Variants in POLG observed in about 807,000 individuals in gnomAD.
The protein encoded by POLG is DNA polymerase subunit gamma-1.
POLG carries 110 observed loss-of-function variants against 155.4 expected under a neutral mutation model. The ratio of observed to expected loss-of-function variants is 0.71; its 90% CI spans 0.61 to 0.83. POLG has a LOEUF of 0.83. Among genes scored for constraint, POLG ranks in the 40% least tolerant of loss-of-function variants. The probability of loss-of-function intolerance (pLI) is 0.00; values close to 1 mark genes in which losing one functional copy is unlikely to be tolerated. For missense variants in POLG, 1,685 were observed against 1,627.5 expected (o/e 1.04, Z -0.61); for synonymous variants, 701 against 631.5 (o/e 1.11, Z -1.65).
chr15:89,333,280 G>T lies in POLG; in HGVS notation c.475C>A (p.Gln159Lys). 1 of 1,558,370 alleles carries T rather than the reference G, an allele frequency of 6.4e-7. No individual in the cohort carries two copies. ...PYLEAANLLLQAQLPPKPPAW... is the reference protein window; with the variant it reads ...PYLEAANLLLKAQLPPKPPAW... ...GGGGGCTTCGGGGGCAGCTGGGCCT[G>T]CAACAGCAAGTTGGCCGCCTCCAGG... Residue 159 changes from glutamine to lysine, a missense_variant, in exon 2 of 23, where the codon CAG (glutamine) becomes AAG (lysine). Gln to Lys is a moderately conservative substitution (Grantham distance 53). Transcript: ENST00000268124.
At chr15:89,321,065 TTCA>T in intron 17 of POLG, 53 bp from the exon 18 acceptor site, 2 of 1,599,226 alleles carry the variant, frequency 1.3e-6, no homozygotes, top group Non-Finnish European at 1.7e-6. Context: ...CTGCCCAATG[TTCA>T]TCAGAACTGT....
intron 20 of POLG, 54 bp from the exon 21 acceptor site, chr15:89,318,803 C>G: frequency 6.4e-7 from 1 of 1,567,680 alleles, no homozygotes; most frequent in Non-Finnish European, 8.8e-7. Flanking sequence ...TACCAATTAA[C>G]TCCAGGGTAG....
intron 16 of POLG, 121 bp downstream of exon 16, chr15:89,321,615 C>G: frequency 3.6e-6 from 3 of 827,644 alleles, no homozygotes; most frequent in South Asian, 1.3e-5. Context: ...TAGAGTCCTG[C>G]CTGACCCAGA....
chr15:89,324,406 C>A, intron 10 of POLG, 179 bp from the exon 11 acceptor site: 1 of 734,436 alleles, frequency 1.4e-6, no homozygotes, highest in Non-Finnish European at 2.4e-6. Flanking sequence ...CTGAAAATGA[C>A]AGCACCCTGG....
chr15:89,318,090 C>A (rs2055329476), intron 21 of POLG: 1 of 197,246 alleles, frequency 5.1e-6, no homozygotes, highest in Non-Finnish European at 1.0e-5. Flanking sequence ...TTTTAAAAAT[C>A]ACATTTGAGT....
Position 89,325,369 on chromosome 15 carries a change from CTT to C in POLG, c.1949+79_1949+80del, listed in dbSNP as rs2055500689. The C allele has an allele frequency of 4.2e-6, 4 of 961,018 alleles. No individual in the cohort carries two copies. The South Asian group carries it at 5.3e-5, about 13-fold the overall frequency. The allele number at this position is 961,018 out of a possible 1,614,324, so 59.5% of individuals were successfully genotyped here. A position where few individuals can be genotyped will look rare whatever the true frequency, so the allele number is the denominator to read the frequency against. Reference sequence around the variant, plus strand: ...GAACCCAGACTCTTGAACCCAAACTCTTTCCACTAGCCTGAGCTGACCAGCCA... The same window carrying C: ...GAACCCAGACTCTTGAACCCAAACTCTCCACTAGCCTGAGCTGACCAGCCA... On this transcript the variant is annotated intron_variant, in intron 10 of 22. Coordinates refer to ENST00000268124, the MANE Select transcript of POLG (RefSeq NM_002693.3).
chr15:89,318,532 C>T lies in POLG; in HGVS notation c.3482+9G>A. 6.2e-7 allele frequency: 1 copy of T among 1,611,470 alleles called. No homozygotes were observed. The highest frequency in any genetic ancestry group is 1.1e-5 in the South Asian group (1 of 90,986). On this transcript the variant is annotated intron_variant, in intron 21 of 22. Transcript: ENST00000268124. ...CATGGCCAGGCTAGAGGCCATGGGC[C>T]CCGCATACCTGGTCAAGAGGTTGGT...
At chr15:89,318,784 T>C (rs1253220637) in intron 20 of POLG, 35 bp from the exon 21 acceptor site, 1 of 1,584,800 alleles carries the variant, frequency 6.3e-7, no homozygotes, top group East Asian at 2.2e-5. Context: ...TGAAAGGGGC[T>C]ATGCTACATA....
Position 89,320,834 on chromosome 15 carries a change from G to A in POLG, c.2913C>T (p.His971=). The A allele has an allele frequency of 1.9e-6, 3 of 1,613,948 alleles. No homozygotes were observed. The highest frequency in any genetic ancestry group is 2.2e-5 in the East Asian group (1 of 44,890). Residue 971 remains histidine, a synonymous_variant, in exon 18 of 23, where the codon CAC becomes CAT. Transcript: ENST00000268124. Reference sequence around the variant, plus strand: ...CAGCTGCCTCCTGCTGTGTGAGCCGGTGGTTAAACTGCATTAGTAAGCGCT... The same window carrying A: ...CAGCTGCCTCCTGCTGTGTGAGCCGATGGTTAAACTGCATTAGTAAGCGCT... The part of the protein sequence containing the change: ...FAERLLMQFN[H]RLTQQEAAEK...
Position 89,322,772 on chromosome 15 carries a change from G to C in POLG, c.2396C>G (p.Ser799Cys). 6.2e-7 allele frequency: 1 copy of C among 1,614,166 alleles called. No homozygotes were observed. Among genetic ancestry groups the C allele is most frequent in the African/African-American group, 1.3e-5 (1 of 75,058 alleles). The stretch of plus-strand genomic sequence containing the variant: ...ACGTTTATGGGCGTTCCTCCAGAAA[G>C]AAATCATTTTGTTGATTTCCAGAGC... Reference protein sequence around the residue: ...PRALEINKMISFWRNAHKRIS... With the variant: ...PRALEINKMICFWRNAHKRIS... Residue 799 changes from serine (S) to cysteine (C), a missense_variant, in exon 14 of 23, where the codon TCT becomes TGT. Transcript: ENST00000268124.
In POLG at chr15:89,319,361, T is replaced by C; in HGVS notation, c.2982-11A>G. 2 of 1,613,588 alleles carry C rather than the reference T, an allele frequency of 1.2e-6. No individual in the cohort carries two copies. Among genetic ancestry groups the C allele is most frequent in the Non-Finnish European group, 1.7e-6 (2 of 1,180,014 alleles). ...TCCGACAGCCGATACCTGGGGGCAG[T>C]GTTATCACCATCATTCCACGGGAGT... On this transcript the variant is annotated splice_polypyrimidine_tract_variant and intron_variant, in intron 18 of 22. Transcript: ENST00000268124.
intron 2 of POLG, among the ~76,000 whole-genome samples, chr15:89,331,299 A>AC (rs761437078): frequency 2.9e-4 from 43 of 149,854 alleles, no homozygotes; most frequent in Non-Finnish European, 4.7e-4. Flanking sequence ...AGAAATCCCC[A>AC]CCCCCCCACA....
chr15:89,328,419 C>A lies in POLG; in HGVS notation c.1250+37G>T, dbSNP rs372614123. ...AGTGGGCCCGGGTACCAGGAACACA[C>A]TGACCCCCAGAGATTCCCACATGGG... On this transcript the variant is annotated intron_variant, in intron 6 of 22. Transcript: ENST00000268124. 5.0e-5 allele frequency: 77 copies of A among 1,547,244 alleles called. No individual in the cohort carries two copies. In the Admixed American group the frequency reaches 6.8e-4, roughly 14 times the overall value.
Position 89,333,110 on chromosome 15 carries a change from T to C in POLG, c.645A>G (p.Ile215Met). 6.6e-7 allele frequency: 1 copy of C among 1,519,632 alleles called. No individual in the cohort carries two copies. Among genetic ancestry groups the C allele is most frequent in the Non-Finnish European group, 8.8e-7 (1 of 1,133,842 alleles). 94.1% of individuals were successfully genotyped at this position (1,519,632 alleles called of 1,614,324 possible). A position where few individuals can be genotyped will look rare whatever the true frequency, so the allele number is the denominator to read the frequency against. ...EGTCPTLAVA[I>M]SPSAWYSWCS... ...CCCCTACTTACCAGGCCGAGGGGGA[T>C]ATGGCCACCGCCAATGTGGGGCAAG... The change falls in exon 2 of 23, where the codon ATA becomes ATG. Residue 215 changes from isoleucine to methionine, a missense_variant. By Grantham distance (10) the Ile-to-Met change is conservative. Coordinates refer to ENST00000268124, the MANE Select transcript of POLG (RefSeq NM_002693.3).
chr15:89,319,752 G>C (rs570028681), intron 18 of POLG, among the ~76,000 whole-genome samples: 1 of 152,298 alleles, frequency 6.6e-6, no homozygotes, highest in East Asian at 1.9e-4. Context: ...GGTAAGAATA[G>C]GCTACTCCCT....
intron 10 of POLG, 147 bp downstream of exon 10, chr15:89,325,299 GGTGT>G (rs71149295): frequency 3.8e-5 from 20 of 527,414 alleles, no homozygotes; most frequent in Admixed American, 9.1e-5. Flanking sequence ...AGAGAGAGAG[GGTGT>G]GTGTGTGTGT....
At chr15:89,326,085 G>C (rs1282382443) in intron 9 of POLG, among the ~76,000 whole-genome samples, 1 of 152,144 alleles carries the variant, frequency 6.6e-6, no homozygotes, top group African/African-American at 2.4e-5. Context: ...CACCAGAGTT[G>C]AGCCCAGGGT....
chr15:89,334,548 A>C (rs1343697339), intron 1 of POLG, 125 bp downstream of exon 1: 2 of 152,034 alleles, frequency 1.3e-5, no homozygotes, highest in African/African-American at 2.4e-5. Flanking sequence ...CGCCCGGCAG[A>C]GGCGCCGCGG....
At chr15:89,319,144 C>T in intron 19 of POLG, 45 bp from the exon 20 acceptor site, 2 of 1,614,152 alleles carry the variant, frequency 1.2e-6, no homozygotes, top group Non-Finnish European at 1.7e-6. Context: ...TTCAGCATCT[C>T]AAAGCTAAAA....
Sources: gnomAD v4.1 joint callset for allele counts (sites outside exome capture counted in the v4.1 genomes callset) on GRCh38, gnomAD v4.1.1 for gene constraint, MANE v1.5 for transcripts, NCBI Gene and HGNC (gene_info 2026-07-23, HGNC 2026-07-21) for gene names.